The following GALNT13 variants were observed in gnomAD, a reference collection of about 807,000 sequenced individuals.
GALNT13 encodes the protein polypeptide N-acetylgalactosaminyltransferase 13.
GALNT13 carries 28 observed loss-of-function variants against 64.2 expected under a neutral mutation model. The observed-to-expected ratio is 0.44, with a 90% CI of 0.32 to 0.60. The LOEUF is 0.60. GALNT13 is among the 20% of genes least tolerant of loss of function. The pLI is 0.05. For missense variants in GALNT13, 577 were observed against 669.8 expected (o/e 0.86, Z 1.53); for synonymous variants, 214 against 224.6 (o/e 0.95, Z 0.42).
Position 154,411,305 on chromosome 2 carries a change from C to T in GALNT13, c.1395+2223C>T, listed in dbSNP as rs1027443468. Among the ~76,000 whole-genome samples, 7 of 125,926 alleles carry T rather than the reference C, an allele frequency of 5.6e-5. No homozygotes were observed. The East Asian group carries it at 7.4e-4, about 13-fold the overall frequency. 82.6% of individuals were successfully genotyped at this position (125,926 alleles called of 152,430 possible). Reference sequence around the variant, plus strand: ...AAACCATTATTTTTCCATCTACATACTTAATTGCACATACACACACACACA... The same window carrying T: ...AAACCATTATTTTTCCATCTACATATTTAATTGCACATACACACACACACA... On this transcript the variant is annotated intron_variant, in intron 11 of 12. Coordinates refer to ENST00000392825, the MANE Select transcript of GALNT13 (RefSeq NM_052917.4).
At chr2:153,403,283 G>A in the GALNT13 span, among the ~76,000 whole-genome samples, 721 of 151,498 alleles carry the variant, frequency 4.8e-3, 4 homozygotes, top group African/African-American at 0.017. Flanking sequence ...CAGTCTGCCC[G>A]TTCTCAGATC....
At chr2:153,155,762 T>C in the GALNT13 span, among the ~76,000 whole-genome samples, 2 of 152,212 alleles carry the variant, frequency 1.3e-5, no homozygotes, top group African/African-American at 4.8e-5. Flanking sequence ...TTCTGCTAGC[T>C]TTGGGATTTG....
intron 9 of GALNT13, among the ~76,000 whole-genome samples, chr2:154,354,339 AG>A (rs1471171078): frequency 1.3e-5 from 2 of 149,682 alleles, no homozygotes; most frequent in African/African-American, 4.9e-5. Flanking sequence ...CCCACTCCAC[AG>A]GTTGCCTTTT....
At chr2:154,439,198 A>C (rs1182766004) in intron 12 of GALNT13, among the ~76,000 whole-genome samples, 1 of 152,206 alleles carries the variant, frequency 6.6e-6, no homozygotes, top group Non-Finnish European at 1.5e-5. Flanking sequence ...TATTTTGCAG[A>C]ATTCAGTAAA....
chr2:153,259,652 G>A, the GALNT13 span, among the ~76,000 whole-genome samples: 2 of 151,898 alleles, frequency 1.3e-5, no homozygotes, highest in East Asian at 1.9e-4. Context: ...CCCTGCACAC[G>A]GTCTCTTCCC....
the GALNT13 span, among the ~76,000 whole-genome samples, chr2:153,330,424 T>C: frequency 2.8e-4 from 42 of 152,190 alleles, no homozygotes; most frequent in African/African-American, 9.4e-4. Flanking sequence ...CATTTGTTTG[T>C]GTCATCTCTG....
intron 8 of GALNT13, among the ~76,000 whole-genome samples, chr2:154,293,650 A>T (rs1409826719): frequency 1.3e-5 from 2 of 152,194 alleles, no homozygotes; most frequent in African/African-American, 4.8e-5. Context: ...TTTCACAAGT[A>T]TACATAGCAT....
intron 4 of GALNT13, among the ~76,000 whole-genome samples, chr2:154,191,259 G>A (rs376588926): frequency 1.3e-5 from 2 of 152,078 alleles, no homozygotes; most frequent in Non-Finnish European, 2.9e-5. Context: ...ATTTGCACGC[G>A]CACGCACGCA....
intron 2 of GALNT13, among the ~76,000 whole-genome samples, chr2:153,939,274 T>A (rs981930189): frequency 6.6e-6 from 1 of 152,128 alleles, no homozygotes; most frequent in African/African-American, 2.4e-5. Context: ...GAAAGCACAA[T>A]CGCACATGCC....
chr2:154,440,512 A>G (rs1032190195), intron 12 of GALNT13, among the ~76,000 whole-genome samples: 3 of 152,052 alleles, frequency 2.0e-5, no homozygotes, highest in African/African-American at 7.2e-5. Context: ...CTATAAATTT[A>G]CTCTTTTGGA....
the GALNT13 span, among the ~76,000 whole-genome samples, chr2:153,276,884 CCTTAAT>C: frequency 9.5e-4 from 145 of 152,102 alleles, no homozygotes; most frequent in African/African-American, 3.3e-3. Flanking sequence ...AAAAAGAAGT[CCTTAAT>C]CTTAATGAAT....
At chr2:153,099,053 C>T in the GALNT13 span, among the ~76,000 whole-genome samples, 130 of 152,278 alleles carry the variant, frequency 8.5e-4, no homozygotes, top group African/African-American at 2.9e-3. Context: ...GCAGAGGTTG[C>T]AGTGAACTGA....
intron 2 of GALNT13, among the ~76,000 whole-genome samples, chr2:153,914,907 G>T (rs117154216): frequency 1.3e-5 from 2 of 152,048 alleles, no homozygotes; most frequent in South Asian, 2.1e-4. Flanking sequence ...TACTCCTGGT[G>T]GGGGACAGGA....
the GALNT13 span, among the ~76,000 whole-genome samples, chr2:153,529,612 A>T: frequency 6.6e-6 from 1 of 152,032 alleles, no homozygotes; most frequent in Non-Finnish European, 1.5e-5. Flanking sequence ...ACATTAAAAA[A>T]AATACAGGCC....
chr2:153,957,508 A>T (rs1259247895), intron 3 of GALNT13, among the ~76,000 whole-genome samples: 1 of 152,192 alleles, frequency 6.6e-6, no homozygotes, highest in Non-Finnish European at 1.5e-5. Flanking sequence ...CTAGTAGAAG[A>T]AGGTTAGCTC....
At chr2:154,381,586 C>T (rs1310890005) in intron 9 of GALNT13, among the ~76,000 whole-genome samples, 1 of 151,992 alleles carries the variant, frequency 6.6e-6, no homozygotes, top group African/African-American at 2.4e-5. Flanking sequence ...ACATAAGATG[C>T]ACAACAAAAC....
the GALNT13 span, among the ~76,000 whole-genome samples, chr2:153,282,343 T>A: frequency 6.6e-6 from 1 of 152,210 alleles, no homozygotes; most frequent in Non-Finnish European, 1.5e-5. Context: ...TTCCTTGCAG[T>A]CCATGCTTTG....
At chr2:153,501,581 C>T in the GALNT13 span, among the ~76,000 whole-genome samples, 1 of 152,140 alleles carries the variant, frequency 6.6e-6, no homozygotes, top group South Asian at 2.1e-4. Context: ...ATCCACCTGT[C>T]TCGACCACCC....
At chr2:153,232,711 G>A in the GALNT13 span, among the ~76,000 whole-genome samples, 8 of 152,318 alleles carry the variant, frequency 5.3e-5, no homozygotes, top group South Asian at 1.7e-3. Context: ...TTGGAATGTG[G>A]CTCTACCACT....
Sources: gnomAD v4.1 joint callset for allele counts (sites outside exome capture counted in the v4.1 genomes callset) on GRCh38, gnomAD v4.1.1 for gene constraint, MANE v1.5 for transcripts, NCBI Gene and HGNC (gene_info 2026-07-23, HGNC 2026-07-21) for gene names.